PARD3: variants seen among roughly 807,000 people sequenced by gnomAD.
PARD3 encodes the protein partitioning defective 3 homolog.
Under a neutral mutation model 155.4 loss-of-function variants are expected in PARD3, and 75 were observed. That is an observed-to-expected ratio of 0.48 (90% CI 0.40 to 0.58). PARD3 has a LOEUF of 0.58. PARD3 is among the 20% of genes least tolerant of loss of function. The pLI is 0.00. For synonymous variants in PARD3, 576 were observed against 610.5 expected (o/e 0.94, Z 0.83); for missense variants, 1,642 against 1,721.7 (o/e 0.95, Z 0.82).
At chr10:34,630,324 T>G (rs529380771) in intron 2 of PARD3, among the ~76,000 whole-genome samples, 2 of 152,068 alleles carry the variant, frequency 1.3e-5, no homozygotes, top group Non-Finnish European at 2.9e-5. Flanking sequence ...TGGCAGAGAC[T>G]CCTCCTGCAG....
chr10:34,414,137 G>A (rs1011504378), intron 5 of PARD3, among the ~76,000 whole-genome samples: 10 of 151,712 alleles, frequency 6.6e-5, no homozygotes, highest in African/African-American at 2.2e-4. Context: ...GGTCAACACT[G>A]CAGTGAGCTA....
chr10:34,356,192 T>C (rs1385930093), intron 14 of PARD3, among the ~76,000 whole-genome samples: 2 of 152,116 alleles, frequency 1.3e-5, no homozygotes, highest in African/African-American at 4.8e-5. Context: ...CTGTCGCGAC[T>C]AATGTTAGGG....
rs16935516 is a variant in PARD3 at position 34,550,553 on chromosome 10, A to G, written c.223-33394T>C. 2.3e-3 allele frequency among the ~76,000 whole-genome samples: 350 copies of G among 152,132 alleles called. 2 individuals carry two copies. In the East Asian group the frequency reaches 0.025, roughly 11 times the overall value. ...ATGTATTGGAACCTTTACCACCTAG[A>G]AAAAAAACACCTTCCTTTTGAAAAA... On this transcript the variant is annotated intron_variant, in intron 2 of 24. Transcript: ENST00000374788.
rs150556385 is a variant in PARD3 at position 34,145,906 on chromosome 10, G to A, written c.3420-14323C>T. Among the ~76,000 whole-genome samples the A allele has an allele frequency of 1.6e-3, 245 of 152,254 alleles. 2 individuals carry two copies. Among genetic ancestry groups the A allele is most frequent in the Admixed American group, 0.013 (197 of 15,288 alleles). On this transcript the variant is annotated intron_variant, in intron 22 of 24. Transcript: ENST00000374788. ...CTTCAGGGGGGTTTATGAAATGGTGGACAGGAAGGCTGGGCAGAGTGTCAC... is the reference window on the plus strand; with the variant it reads ...CTTCAGGGGGGTTTATGAAATGGTGAACAGGAAGGCTGGGCAGAGTGTCAC...
At position 34,606,249 on chromosome 10, in the gene PARD3, G is replaced by A. The variant is rs537255443; in HGVS notation, c.223-89090C>T. On this transcript the variant is annotated intron_variant, in intron 2 of 24. Transcript: ENST00000374788. ...TTAATAGAACCCTGACTAAAACAGC[G>A]TATGTCTACAGATGTGTGCAGGTGT... 4.7e-5 allele frequency among the ~76,000 whole-genome samples: 7 copies of A among 149,586 alleles called. No homozygotes were observed. In the South Asian group the frequency reaches 6.4e-4, roughly 14 times the overall value.
intron 5 of PARD3, among the ~76,000 whole-genome samples, chr10:34,443,480 C>CT (rs2076575923): frequency 1.3e-5 from 2 of 152,122 alleles, no homozygotes; most frequent in African/African-American, 4.8e-5. Flanking sequence ...TTCCATGCGG[C>CT]TAGGGAGGCC....
intron 1 of PARD3, among the ~76,000 whole-genome samples, chr10:34,783,362 T>G (rs1392318937): frequency 6.6e-6 from 1 of 151,984 alleles, no homozygotes; most frequent in African/African-American, 2.4e-5. Context: ...CCCAGCACTT[T>G]CGGAGGCCGA....
At chr10:34,720,972 A>G (rs985129398) in intron 1 of PARD3, among the ~76,000 whole-genome samples, 13 of 152,218 alleles carry the variant, frequency 8.5e-5, no homozygotes, top group African/African-American at 1.4e-4. Context: ...AAAAGGCCCA[A>G]TGTCATGATG....
intron 22 of PARD3, among the ~76,000 whole-genome samples, chr10:34,189,279 A>G (rs529525779): frequency 6.6e-6 from 1 of 152,362 alleles, no homozygotes; most frequent in South Asian, 2.1e-4. Flanking sequence ...GCAGTGAGCC[A>G]TAACAGTGCC....
intron 2 of PARD3, among the ~76,000 whole-genome samples, chr10:34,694,166 GA>G (rs2094121638): frequency 1.2e-5 from 1 of 81,774 alleles, no homozygotes; most frequent in Admixed American, 1.4e-4. Flanking sequence ...AAAAAAAAAA[GA>G]AACAAAAAAA....
chr10:34,530,746 T>G (rs2082789991), intron 2 of PARD3, among the ~76,000 whole-genome samples: 1 of 152,166 alleles, frequency 6.6e-6, no homozygotes, highest in Non-Finnish European at 1.5e-5. Context: ...CTTCCAGACT[T>G]TCATAATAAT....
intron 22 of PARD3, among the ~76,000 whole-genome samples, chr10:34,258,325 G>A (rs145020230): frequency 1.1e-3 from 170 of 152,242 alleles, no homozygotes; most frequent in African/African-American, 3.8e-3. Flanking sequence ...TGGGCCGCAC[G>A]ACAGAAGGAG....
intron 2 of PARD3, among the ~76,000 whole-genome samples, chr10:34,665,690 T>A (rs2093434327): frequency 6.6e-6 from 1 of 151,566 alleles, no homozygotes; most frequent in Non-Finnish European, 1.5e-5. Flanking sequence ...ATACAGAAAT[T>A]AGCCTGGCAT....
At chr10:34,115,075 C>T (rs780552322) in intron 24 of PARD3, among the ~76,000 whole-genome samples, 2 of 152,062 alleles carry the variant, frequency 1.3e-5, no homozygotes, top group African/African-American at 2.4e-5. Flanking sequence ...GATCTGATGC[C>T]CGAGGAAAGC....
At chr10:34,564,337 T>A (rs539840235) in intron 2 of PARD3, among the ~76,000 whole-genome samples, 2 of 152,344 alleles carry the variant, frequency 1.3e-5, no homozygotes, top group South Asian at 4.1e-4. Flanking sequence ...GCTAACTCAC[T>A]ATCCATCCAA....
chr10:34,807,504 T>C (rs1174940027), intron 1 of PARD3, among the ~76,000 whole-genome samples: 1 of 152,164 alleles, frequency 6.6e-6, no homozygotes, highest in Non-Finnish European at 1.5e-5. Context: ...CTCATACCCA[T>C]TCACAGTCTC....
chr10:34,802,839 G>A (rs528622749), intron 1 of PARD3, among the ~76,000 whole-genome samples: 2 of 152,106 alleles, frequency 1.3e-5, no homozygotes, highest in Middle Eastern at 3.4e-3. Context: ...GGACAGTACG[G>A]CTAACATGTA....
intron 2 of PARD3, among the ~76,000 whole-genome samples, chr10:34,560,369 T>A (rs1435273214): frequency 3.3e-5 from 5 of 152,188 alleles, no homozygotes; most frequent in Non-Finnish European, 7.3e-5. Flanking sequence ...ATACCATAGA[T>A]ACTTGTCTAA....
At chr10:34,161,435 T>C (rs959656832) in intron 22 of PARD3, among the ~76,000 whole-genome samples, 3 of 152,038 alleles carry the variant, frequency 2.0e-5, no homozygotes, top group Non-Finnish European at 4.4e-5. Context: ...CCTAGGGCAC[T>C]TGGATCACAG....
Sources: gnomAD v4.1 joint callset for allele counts (sites outside exome capture counted in the v4.1 genomes callset) on GRCh38, gnomAD v4.1.1 for gene constraint, MANE v1.5 for transcripts, NCBI Gene and HGNC (gene_info 2026-07-23, HGNC 2026-07-21) for gene names.